Variants in SOX5 observed in about 807,000 individuals in gnomAD.
SOX5 encodes transcription factor SOX-5.
SOX5 carries 9 observed loss-of-function variants against 92.0 expected under a neutral mutation model. The ratio of observed to expected loss-of-function variants is 0.10; its 90% CI spans 0.06 to 0.17. The LOEUF (loss-of-function observed/expected upper bound fraction) is 0.17, where lower values mean the gene tolerates loss of function less well. Among genes scored for constraint, SOX5 ranks in the 10% least tolerant of loss-of-function variants. The pLI is 1.00. For missense variants in SOX5, 642 were observed against 944.5 expected (o/e 0.68, Z 4.20); for synonymous variants, 344 against 336.3 (o/e 1.02, Z -0.25).
At chr12:24,271,982 A>AACAC (rs71059998) in intron 3 of SOX5, among the ~76,000 whole-genome samples, 3,285 of 150,606 alleles carry the variant, frequency 0.022, 82 homozygotes, top group African/African-American at 0.051. Flanking sequence ...CACACACACA[A>AACAC]ACACACACAC....
intron 4 of SOX5, among the ~76,000 whole-genome samples, chr12:24,186,819 T>C (rs920522334): frequency 5.9e-5 from 9 of 152,176 alleles, no homozygotes; most frequent in Non-Finnish European, 1.3e-4. Flanking sequence ...GTTATTTTCT[T>C]TGGTTGGCAG....
intron 6 of SOX5, among the ~76,000 whole-genome samples, chr12:23,675,530 C>T (rs2085528182): frequency 6.6e-6 from 1 of 152,070 alleles, no homozygotes. Context: ...CCAAGCCATA[C>T]AAAACACACA....
chr12:23,887,380 AG>A (rs987316847), intron 2 of SOX5, among the ~76,000 whole-genome samples: 3 of 152,236 alleles, frequency 2.0e-5, no homozygotes, highest in African/African-American at 7.2e-5. Context: ...AAATAATCAA[AG>A]GAAAGATGAA....
At chr12:24,095,124 C>CAGAGAG (rs1295495095) in intron 4 of SOX5, among the ~76,000 whole-genome samples, 84 of 105,098 alleles carry the variant, frequency 8.0e-4, no homozygotes, top group East Asian at 1.5e-3. Flanking sequence ...CACACACACA[C>CAGAGAG]ACACAGAGAG....
At chr12:24,053,232 A>G (rs1392647655) in intron 4 of SOX5, among the ~76,000 whole-genome samples, 14 of 139,962 alleles carry the variant, frequency 1.0e-4, no homozygotes, top group African/African-American at 3.6e-4. Context: ...CCCAGGCTGG[A>G]TTCTTCTGCC....
intron 11 of SOX5, 35 bp from the exon 12 acceptor site, chr12:23,546,459 A>T (rs746372775): frequency 1.7e-6 from 2 of 1,192,084 alleles, no homozygotes; most frequent in South Asian, 2.6e-5. Context: ...TCAGTCTAGG[A>T]ATTAAAATTA....
intron 2 of SOX5, among the ~76,000 whole-genome samples, chr12:24,294,609 C>T (rs1032113778): frequency 2.0e-5 from 3 of 152,056 alleles, no homozygotes; most frequent in Non-Finnish European, 2.9e-5. Flanking sequence ...AAATGCACAG[C>T]GTCCAGCAGG....
At chr12:24,329,746 G>C (rs946182998) in intron 2 of SOX5, among the ~76,000 whole-genome samples, 1 of 152,122 alleles carries the variant, frequency 6.6e-6, no homozygotes, top group Non-Finnish European at 1.5e-5. Flanking sequence ...GTTAAGGCTG[G>C]GCATGGTGGC....
chr12:23,539,946 A>G (rs1176213711), intron 13 of SOX5, among the ~76,000 whole-genome samples: 2 of 152,120 alleles, frequency 1.3e-5, no homozygotes, highest in Non-Finnish European at 2.9e-5. Flanking sequence ...CAAAATAGTA[A>G]CCTTGAATTA....
At chr12:23,698,550 T>A (rs1183371568) in intron 6 of SOX5, among the ~76,000 whole-genome samples, 1 of 152,192 alleles carries the variant, frequency 6.6e-6, no homozygotes, top group Non-Finnish European at 1.5e-5. Context: ...ATCATCTCCT[T>A]ATCATGCTCT....
intron 6 of SOX5, among the ~76,000 whole-genome samples, chr12:23,704,337 G>A (rs1452758397): frequency 6.6e-6 from 1 of 151,660 alleles, no homozygotes. Context: ...TAAAAGAATT[G>A]AAAAATCACC....
intron 3 of SOX5, among the ~76,000 whole-genome samples, chr12:24,215,277 A>G (rs1442981116): frequency 3.9e-5 from 6 of 152,130 alleles, no homozygotes; most frequent in African/African-American, 1.4e-4. Flanking sequence ...CAGAAAGAAA[A>G]GGCATCCAGG....
At chr12:23,916,286 C>T (rs2097416371) in intron 1 of SOX5, among the ~76,000 whole-genome samples, 1 of 151,940 alleles carries the variant, frequency 6.6e-6, no homozygotes, top group Non-Finnish European at 1.5e-5. Flanking sequence ...GGAGTGTAAC[C>T]GCACACAATC....
chr12:23,880,626 T>A (rs1032225749), intron 2 of SOX5, among the ~76,000 whole-genome samples: 9 of 152,160 alleles, frequency 5.9e-5, no homozygotes, highest in African/African-American at 1.9e-4. Context: ...GGGAATGAAG[T>A]AGCACCTGGT....
chr12:24,394,305 A>G (rs1959284233), intron 1 of SOX5, among the ~76,000 whole-genome samples: 1 of 152,186 alleles, frequency 6.6e-6, no homozygotes, highest in Non-Finnish European at 1.5e-5. Flanking sequence ...GAAACAGCAC[A>G]GAGAGGTGCC....
At chr12:24,389,247 A>G (rs2136461179) in intron 1 of SOX5, among the ~76,000 whole-genome samples, 1 of 152,150 alleles carries the variant, frequency 6.6e-6, no homozygotes, top group African/African-American at 2.4e-5. Flanking sequence ...GAGAATGATG[A>G]TTTCCAATTT....
intron 6 of SOX5, among the ~76,000 whole-genome samples, chr12:23,724,801 G>A (rs1209904530): frequency 6.6e-6 from 1 of 152,178 alleles, no homozygotes; most frequent in Admixed American, 6.5e-5. Flanking sequence ...CAGTGCAAAT[G>A]CCCTGATGGT....
chr12:24,049,494 T>G (rs186970118), intron 4 of SOX5, among the ~76,000 whole-genome samples: 1 of 152,158 alleles, frequency 6.6e-6, no homozygotes, highest in Non-Finnish European at 1.5e-5. Flanking sequence ...TTCTTCAATA[T>G]TCCAATGAAC....
chr12:23,557,115 G>A (rs1945313068), intron 11 of SOX5, among the ~76,000 whole-genome samples: 1 of 152,170 alleles, frequency 6.6e-6, no homozygotes, highest in Non-Finnish European at 1.5e-5. Context: ...GACAATGGCA[G>A]GAAAGAGGTG....
Sources: gnomAD v4.1 joint callset for allele counts (sites outside exome capture counted in the v4.1 genomes callset) on GRCh38, gnomAD v4.1.1 for gene constraint, MANE v1.5 for transcripts, NCBI Gene and HGNC (gene_info 2026-07-23, HGNC 2026-07-21) for gene names.